The following FAM222A variants were observed in gnomAD, a reference collection of about 807,000 sequenced individuals.
The protein encoded by FAM222A is protein FAM222A.
In FAM222A, 7 loss-of-function variants were observed where a neutral mutation model predicts 25.8. The observed-to-expected ratio is 0.27, with a 90% CI of 0.15 to 0.51. The LOEUF (loss-of-function observed/expected upper bound fraction) is 0.51. Among genes scored for constraint, FAM222A ranks in the 20% least tolerant of loss-of-function variants. The pLI is 0.97. For missense variants in FAM222A, 573 were observed against 640.5 expected (o/e 0.89, Z 1.14); for synonymous variants, 294 against 298.8 (o/e 0.98, Z 0.17).
intron 2 of FAM222A, among the ~76,000 whole-genome samples, chr12:109,750,558 C>T (rs1163511546): frequency 6.6e-6 from 1 of 152,120 alleles, no homozygotes; most frequent in Non-Finnish European, 1.5e-5. Context: ...TTAGTGTATT[C>T]TCAGGGCTTA....
At chr12:109,724,259 C>T (rs1197557295) in intron 1 of FAM222A, among the ~76,000 whole-genome samples, 4 of 152,266 alleles carry the variant, frequency 2.6e-5, no homozygotes, top group African/African-American at 7.2e-5. Context: ...TTCCAGCTAC[C>T]TGGCTGACAC....
intron 2 of FAM222A, among the ~76,000 whole-genome samples, chr12:109,763,065 G>T (rs752097971): frequency 6.6e-6 from 1 of 152,188 alleles, no homozygotes; most frequent in Non-Finnish European, 1.5e-5. Context: ...TGGCCTCCCT[G>T]CCTCCTTGAG....
rs1889191545 is a variant in FAM222A at position 109,769,826 on chromosome 12, C to T, written c.*538C>T. ...ACCAGCCAGGTGAAGACCACTCTGA[C>T]AGAGGCTCCAGGGACTATACCAGTC... is the stretch of plus-strand genomic sequence containing the variant. On this transcript the variant is annotated 3_prime_UTR_variant, in exon 3 of 3. Transcript: ENST00000538780. 2 of 160,246 alleles carry T rather than the reference C, an allele frequency of 1.2e-5. No homozygotes were observed. Among genetic ancestry groups the T allele is most frequent in the Non-Finnish European group, 2.7e-5 (2 of 73,408 alleles). 9.9% of individuals were successfully genotyped at this position (160,246 alleles called of 1,614,324 possible).
rs373050932 is a variant in FAM222A, at chr12:109,768,366, C to A, written c.437C>A (p.Ala146Glu). The change falls in exon 3 of 3, where the codon GCG becomes GAG. Residue 146 changes from alanine (A) to glutamate (E), a missense_variant. Physicochemically the swap from Ala to Glu is moderately radical, Grantham distance 107. This residue lies in a region of FAM222A where 412 missense variants were observed against 407.0 expected (regional missense o/e 1.01). Transcript: ENST00000538780. Reference protein sequence around the residue: ...LSPAAVQVGIAPYPVPSTLGP... With the variant: ...LSPAAVQVGIEPYPVPSTLGP... ...CCGGCCGCCGTGCAGGTGGGCATTGCGCCCTACCCAGTGCCCAGCACTCTG... is the reference window on the plus strand; with the variant it reads ...CCGGCCGCCGTGCAGGTGGGCATTGAGCCCTACCCAGTGCCCAGCACTCTG... 21 of 1,595,386 alleles carry A rather than the reference C, an allele frequency of 1.3e-5. No homozygotes were observed. In the African/African-American group the frequency reaches 2.8e-4, roughly 21 times the overall value.
chr12:109,753,693 A>C (rs1888627435), intron 2 of FAM222A, among the ~76,000 whole-genome samples: 1 of 151,904 alleles, frequency 6.6e-6, no homozygotes, highest in Non-Finnish European at 1.5e-5. Flanking sequence ...CTCTTCCCCA[A>C]TTCCCAGCCT....
chr12:109,740,534 G>A (rs888979659), intron 1 of FAM222A, among the ~76,000 whole-genome samples: 2 of 152,196 alleles, frequency 1.3e-5, no homozygotes, highest in Non-Finnish European at 2.9e-5. Flanking sequence ...CTGCAGATGG[G>A]ATGATGCCAG....
At chr12:109,729,870 C>T (rs1360910669) in intron 1 of FAM222A, among the ~76,000 whole-genome samples, 1 of 152,258 alleles carries the variant, frequency 6.6e-6, no homozygotes, top group Admixed American at 6.5e-5. Context: ...AATGCCACTG[C>T]ACCAATCTGT....
At chr12:109,733,112 G>A (rs1209168387) in intron 1 of FAM222A, among the ~76,000 whole-genome samples, 6 of 152,166 alleles carry the variant, frequency 3.9e-5, no homozygotes, top group Non-Finnish European at 8.8e-5. Flanking sequence ...CTGGCATGGA[G>A]AGTGGGAGAG....
intron 1 of FAM222A, among the ~76,000 whole-genome samples, chr12:109,725,245 C>G (rs1373329721): frequency 6.6e-6 from 1 of 152,172 alleles, no homozygotes; most frequent in African/African-American, 2.4e-5. Flanking sequence ...TACAGATATA[C>G]TGTGTGCTGT....
At chr12:109,742,569 A>ACCTCC (rs1156817985) in intron 1 of FAM222A, among the ~76,000 whole-genome samples, 1 of 141,806 alleles carries the variant, frequency 7.1e-6, no homozygotes, top group Non-Finnish European at 1.5e-5. Context: ...GGTGAGAATC[A>ACCTCC]CCTCCCCTCC....
intron 1 of FAM222A, among the ~76,000 whole-genome samples, chr12:109,740,265 G>C (rs1367167136): frequency 6.6e-6 from 1 of 152,168 alleles, no homozygotes; most frequent in Admixed American, 6.5e-5. Flanking sequence ...TCTGGTGGAG[G>C]GGACCTTTTC....
At chr12:109,716,012 C>T (rs561051938) in intron 1 of FAM222A, among the ~76,000 whole-genome samples, 49 of 152,322 alleles carry the variant, frequency 3.2e-4, no homozygotes, top group South Asian at 1.2e-3. Flanking sequence ...GGGGCCTTGG[C>T]CAACCTGGAA....
At chr12:109,721,171 A>G (rs1204879725) in intron 1 of FAM222A, among the ~76,000 whole-genome samples, 1 of 152,046 alleles carries the variant, frequency 6.6e-6, no homozygotes. Context: ...GATGATGTGA[A>G]GCAGCAGCCC....
At chr12:109,742,876 GA>G (rs1284515576) in intron 1 of FAM222A, among the ~76,000 whole-genome samples, 4 of 152,048 alleles carry the variant, frequency 2.6e-5, no homozygotes, top group Non-Finnish European at 5.9e-5. Context: ...AGAAAGTAGT[GA>G]AAAAAGGCTT....
intron 1 of FAM222A, among the ~76,000 whole-genome samples, chr12:109,741,870 A>C (rs1017836328): frequency 2.0e-5 from 3 of 152,196 alleles, no homozygotes; most frequent in Non-Finnish European, 4.4e-5. Flanking sequence ...GGGTGCAGCC[A>C]AGCTCAGTGG....
chr12:109,728,276 T>C (rs1395036051), intron 1 of FAM222A, among the ~76,000 whole-genome samples: 1 of 152,100 alleles, frequency 6.6e-6, no homozygotes, highest in African/African-American at 2.4e-5. Flanking sequence ...ACAGCCCACT[T>C]TACATGTAAG....
At chr12:109,727,922 T>C (rs1887873647) in intron 1 of FAM222A, among the ~76,000 whole-genome samples, 1 of 152,166 alleles carries the variant, frequency 6.6e-6, no homozygotes, top group Non-Finnish European at 1.5e-5. Flanking sequence ...GACTCTGGGC[T>C]AGTGGCTGCA....
In FAM222A at chr12:109,713,919, CCGGCGCCTGTGGGGCG is replaced by C. The variant is rs1250689293; in HGVS notation, c.-1018_-1003del. 1.7e-4 allele frequency among the ~76,000 whole-genome samples: 25 copies of C among 146,680 alleles called. No homozygotes were observed. The South Asian group carries it at 5.0e-3, about 29-fold the overall frequency. On this transcript the variant is annotated 5_prime_UTR_variant, in exon 1 of 3. Coordinates refer to ENST00000538780, the MANE Select transcript of FAM222A (RefSeq NM_032829.3). The stretch of plus-strand genomic sequence containing the variant: ...GGCCGGGGGAGGCGGACAGCCGGGC[CCGGCGCCTGTGGGGCG>C]CGGCGCGCGGCACCCGGGCCTGAGA...
At chr12:109,754,291 A>G (rs1215294732) in intron 2 of FAM222A, among the ~76,000 whole-genome samples, 1 of 152,172 alleles carries the variant, frequency 6.6e-6, no homozygotes, top group Non-Finnish European at 1.5e-5. Context: ...AAAACCCAAG[A>G]GCCCAGTTGC....
Sources: gnomAD v4.1 joint callset for allele counts (sites outside exome capture counted in the v4.1 genomes callset) on GRCh38, gnomAD v4.1.1 for gene constraint, gnomAD v4.1.1 regional missense constraint, MANE v1.5 for transcripts, NCBI Gene and HGNC (gene_info 2026-07-23, HGNC 2026-07-21) for gene names.